The following IL20 variants were observed in gnomAD, a reference collection of about 807,000 sequenced individuals.
The protein encoded by IL20 is interleukin 20, also known as interleukin-20.
A neutral mutation model predicts 19.2 loss-of-function variants in IL20; 22 were observed. The ratio of observed to expected loss-of-function variants is 1.15; its 90% CI spans 0.82 to 1.64. The LOEUF (loss-of-function observed/expected upper bound fraction) is 1.64. Among genes scored for constraint, IL20 ranks in the 40% most tolerant of loss-of-function variants. IL20 has a pLI of 0.00. For synonymous variants in IL20, 70 were observed against 76.2 expected (o/e 0.92, Z 0.43); for missense variants, 215 against 212.8 (o/e 1.01, Z -0.06).
At position 206,867,071 on chromosome 1, in the gene IL20, G is replaced by C. The variant is rs1677573165; in HGVS notation, c.379-313G>C. Among the ~76,000 whole-genome samples, 3 of 148,304 alleles carry C rather than the reference G, an allele frequency of 2.0e-5. 1 individual carries two copies. The South Asian group carries it at 6.5e-4, about 32-fold the overall frequency. ...CTCATGGGGGCTCAAAGAGCTCTGG[G>C]ATAGAGCTCCTAGACTACAGCTGGG... On this transcript the variant is annotated intron_variant, in intron 4 of 5. Transcript: ENST00000367098.
chr1:206,868,223 C>T (rs1677614671), intron 5 of IL20, among the ~76,000 whole-genome samples: 1 of 152,072 alleles, frequency 6.6e-6, no homozygotes, highest in African/African-American at 2.4e-5. Flanking sequence ...TTATTTTGAT[C>T]TCTGTGATTC....
At position 206,868,842 on chromosome 1, in the gene IL20, T is replaced by C. The variant is rs188009683; in HGVS notation, c.*278T>C. The C allele has an allele frequency of 1.4e-3, 242 of 176,588 alleles. 1 individual carries two copies. The highest frequency in any genetic ancestry group is 5.5e-3 in the African/African-American group (231 of 42,384). The allele number at this position is 176,588 out of a possible 1,614,324, so 10.9% of individuals were successfully genotyped here. On this transcript the variant is annotated 3_prime_UTR_variant, in exon 6 of 6. Transcript: ENST00000367098. The stretch of plus-strand genomic sequence containing the variant: ...TATTTATTTATTTTTTGCTATTTAA[T>C]GTATTTATTTTTTTACTTGGACATG...
intron 5 of IL20, among the ~76,000 whole-genome samples, chr1:206,867,883 C>G (rs546392481): frequency 6.6e-5 from 10 of 152,226 alleles, no homozygotes; most frequent in African/African-American, 2.4e-4. Context: ...CTGACTAAAT[C>G]CTACTCATCC....
intron 5 of IL20, 134 bp downstream of exon 5, chr1:206,867,592 C>A: frequency 1.3e-6 from 1 of 742,660 alleles, no homozygotes; most frequent in Non-Finnish European, 2.3e-6. Context: ...TGAGGACCAG[C>A]CCTTGCTTTA....
chr1:206,865,801 G>A lies in IL20; in HGVS notation c.-30-22G>A, dbSNP rs1677527105. 7 of 1,561,256 alleles carry A rather than the reference G, an allele frequency of 4.5e-6. No individual in the cohort carries two copies. The South Asian group carries it at 5.6e-5, about 12-fold the overall frequency. ...GAGGAGGGGAAACTCAGTAAGTCAT[G>A]CTCTCTTCTTTGAATTCCTAGCTCC... On this transcript the variant is annotated intron_variant, in intron 1 of 5. Transcript: ENST00000367098. The surrounding 1 kb of genome is among the most constrained non-coding windows in gnomAD (Gnocchi z 4.1).
upstream of IL20, among the ~76,000 whole-genome samples, chr1:206,864,901 C>CA (rs1324983203): frequency 6.6e-6 from 1 of 152,200 alleles, no homozygotes; most frequent in African/African-American, 2.4e-5. Context: ...ACCCTAACCT[C>CA]AGCCCATTAT....
At chr1:206,865,516 A>G (rs942116489), upstream of IL20, 83 of 1,071,784 alleles carry the variant, frequency 7.7e-5, no homozygotes, top group Non-Finnish European at 7.8e-5. This position sits in a 1 kb window ranked among gnomAD's most constrained non-coding sequence, Gnocchi z 4.1. Flanking sequence ...GTCATTCTCT[A>G]TCTATTCACT....
intron 2 of IL20, 44 bp downstream of exon 2, chr1:206,866,055 C>A (rs1410925227): frequency 1.9e-6 from 3 of 1,561,970 alleles, no homozygotes; most frequent in African/African-American, 2.7e-5. Context: ...CTTTTCTCTT[C>A]CTTCCTTGTC....
chr1:206,865,546 G>A, upstream of IL20: 1 of 1,160,606 alleles, frequency 8.6e-7, no homozygotes, highest in Non-Finnish European at 1.1e-6. This position sits in a 1 kb window ranked among gnomAD's most constrained non-coding sequence, Gnocchi z 4.1. Flanking sequence ...TGCTGTTCCA[G>A]GCCTTACCTG....
chr1:206,865,927 G>T lies in IL20; in HGVS notation c.75G>T (p.Leu25=). The change falls in exon 2 of 6, where the codon CTG becomes CTT. Residue 25 remains leucine (L), a synonymous_variant. Coordinates refer to ENST00000367098, the MANE Select transcript of IL20 (RefSeq NM_018724.4). This position sits in a 1 kb window ranked among gnomAD's most constrained non-coding sequence, Gnocchi z 4.1. ...FYLLWTPSTG[L]KTLNLGSCVI... ...TCCTATGGACTCCTTCCACTGGACT[G>T]AAGACACTCAATTTGGGAAGCTGTG... 1 of 1,614,092 alleles carries T rather than the reference G, an allele frequency of 6.2e-7. No homozygotes were observed.
chr1:206,864,114 G>T (rs972461076), upstream of IL20, among the ~76,000 whole-genome samples: 1 of 151,966 alleles, frequency 6.6e-6, no homozygotes, highest in Non-Finnish European at 1.5e-5. Context: ...ACCATTCCCT[G>T]CCCCCCAACC....
rs532385861 is a variant in IL20 at position 206,868,134 on chromosome 1, A to G, written c.454-353A>G. 3.6e-4 allele frequency among the ~76,000 whole-genome samples: 54 copies of G among 152,028 alleles called. 1 individual carries two copies. The highest frequency in any genetic ancestry group is 6.9e-4 in the Non-Finnish European group (47 of 67,984). ...CAATATCTGTTCAACTGATGTGTGCACCGTAGGCAACCCCTACACACACAC... is the reference window on the plus strand; with the variant it reads ...CAATATCTGTTCAACTGATGTGTGCGCCGTAGGCAACCCCTACACACACAC... On this transcript the variant is annotated intron_variant, in intron 5 of 5. Transcript: ENST00000367098.
rs1436681630 is a variant in IL20 at position 206,866,565 on chromosome 1, C to G, written c.307C>G (p.His103Asp). 6.2e-7 allele frequency: 1 copy of G among 1,614,052 alleles called. No individual in the cohort carries two copies. Among genetic ancestry groups the G allele is most frequent in the South Asian group, 1.1e-5 (1 of 91,078 alleles). ...ATTTAAAAACTACCAGACCCCTGACCATTATACTCTCCGGAAGATCAGCAG... is the reference window on the plus strand; with the variant it reads ...ATTTAAAAACTACCAGACCCCTGACGATTATACTCTCCGGAAGATCAGCAG... The part of the protein sequence containing the change: ...RVFKNYQTPD[H>D]YTLRKISSLA... The change falls in exon 4 of 6, where the codon CAT becomes GAT. Residue 103 changes from histidine to aspartate, a missense_variant. By Grantham distance (81) the His-to-Asp change is moderately conservative. Coordinates refer to ENST00000367098, the MANE Select transcript of IL20 (RefSeq NM_018724.4).
Position 206,866,532 on chromosome 1 carries a change from G to T in IL20, c.274G>T (p.Asp92Tyr). 1 of 1,614,086 alleles carries T rather than the reference G, an allele frequency of 6.2e-7. No individual in the cohort carries two copies. The highest frequency in any genetic ancestry group is 2.2e-5 in the East Asian group (1 of 44,880). ...GCGCCATTTGCTAAGACTCTATCTG[G>T]ACAGGGTATTTAAAAACTACCAGAC... is the stretch of plus-strand genomic sequence containing the variant. ...LLRHLLRLYL[D>Y]RVFKNYQTPD... The change falls in exon 4 of 6, where the codon GAC becomes TAC. Residue 92 changes from aspartate (D) to tyrosine (Y), a missense_variant. Transcript: ENST00000367098.
Position 206,866,604 on chromosome 1 carries a change from T to C in IL20, c.346T>C (p.Phe116Leu). ...GAAGATCAGCAGCCTCGCCAATTCC[T>C]TTCTTACCATCAAGAAGGACCTCCG... is the stretch of plus-strand genomic sequence containing the variant. ...LRKISSLANS[F>L]LTIKKDLRLC... Residue 116 changes from phenylalanine (F) to leucine (L), a missense_variant, in exon 4 of 6, where the codon TTT becomes CTT. Physicochemically the swap from Phe to Leu is conservative, Grantham distance 22. Transcript: ENST00000367098. The C allele has an allele frequency of 6.2e-7, 1 of 1,614,156 alleles. No individual in the cohort carries two copies. Among genetic ancestry groups the C allele is most frequent in the Non-Finnish European group, 8.5e-7 (1 of 1,180,006 alleles).
chr1:206,868,599 G>T lies in IL20; in HGVS notation c.*35G>T. ...GATGCTGCTGCTAAGAATATTCGAGGTCAAGAGCTCCAGTCTTCAATACCT... is the reference window on the plus strand; with the variant it reads ...GATGCTGCTGCTAAGAATATTCGAGTTCAAGAGCTCCAGTCTTCAATACCT... On this transcript the variant is annotated 3_prime_UTR_variant, in exon 6 of 6. Transcript: ENST00000367098. 6.6e-7 allele frequency: 1 copy of T among 1,522,310 alleles called. No homozygotes were observed. Among genetic ancestry groups the T allele is most frequent in the East Asian group, 2.4e-5 (1 of 41,904 alleles). The allele number at this position is 1,522,310 out of a possible 1,614,324, so 94.3% of individuals were successfully genotyped here. A position where few individuals can be genotyped will look rare whatever the true frequency, so the allele number is the denominator to read the frequency against.
At chr1:206,865,028 T>C (rs909445101), upstream of IL20, among the ~76,000 whole-genome samples, 6 of 152,194 alleles carry the variant, frequency 3.9e-5, no homozygotes, top group Non-Finnish European at 7.3e-5. This position sits in a 1 kb window ranked among gnomAD's most constrained non-coding sequence, Gnocchi z 4.1. Flanking sequence ...ACCATTTGCT[T>C]GGTCTAGGAC....
Position 206,867,341 on chromosome 1 carries a change from C to A in IL20, c.379-43C>A. 2.6e-6 allele frequency: 4 copies of A among 1,567,768 alleles called. No individual in the cohort carries two copies. The South Asian group carries it at 4.5e-5, about 18-fold the overall frequency. On this transcript the variant is annotated intron_variant, in intron 4 of 5. Coordinates refer to ENST00000367098, the MANE Select transcript of IL20 (RefSeq NM_018724.4). Reference sequence around the variant, plus strand: ...CTGCTTCATGTCAATGGCAAAAAATCAGAATCTGTAATATAATCTATTATT... The same window carrying A: ...CTGCTTCATGTCAATGGCAAAAAATAAGAATCTGTAATATAATCTATTATT...
At chr1:206,867,333 C>A (rs566239218) in intron 4 of IL20, 51 bp from the exon 5 acceptor site, 148 of 1,543,392 alleles carry the variant, frequency 9.6e-5, no homozygotes, top group Non-Finnish European at 7.1e-5. Context: ...ATGTCAATGG[C>A]AAAAAATCAG....
Sources: gnomAD v4.1 joint callset for allele counts (sites outside exome capture counted in the v4.1 genomes callset) on GRCh38, gnomAD v4.1.1 for gene constraint, Gnocchi (gnomAD v3.1) non-coding constraint, MANE v1.5 for transcripts, NCBI Gene and HGNC (gene_info 2026-07-23, HGNC 2026-07-21) for gene names.